GFOD1: variants seen among roughly 807,000 people sequenced by gnomAD.
GFOD1 encodes glucose-fructose oxidoreductase domain-containing protein 1.
In GFOD1, 9 loss-of-function variants were observed where a neutral mutation model predicts 25.4. That is an observed-to-expected ratio of 0.35 (90% CI 0.21 to 0.62). The LOEUF is 0.62. Ranked by LOEUF, GFOD1 falls within the 20% of genes least tolerant of loss-of-function variation. The probability of loss-of-function intolerance (pLI) is 0.72; values close to 1 mark genes in which losing one functional copy is unlikely to be tolerated. For synonymous variants in GFOD1, 253 were observed against 245.6 expected, an observed-to-expected ratio of 1.03 and a Z score of -0.28; for missense variants, 403 against 556.9, an observed-to-expected ratio of 0.72 and a Z score of 2.78.
At chr6:13,384,592 G>A (rs574835442) in intron 1 of GFOD1, among the ~76,000 whole-genome samples, 15 of 152,252 alleles carry the variant, frequency 9.9e-5, no homozygotes, top group African/African-American at 2.9e-4. Context: ...TTTAGTACTC[G>A]TTGATGATTT....
intron 1 of GFOD1, among the ~76,000 whole-genome samples, chr6:13,450,774 C>G (rs1758082805): frequency 6.6e-6 from 1 of 152,182 alleles, no homozygotes; most frequent in African/African-American, 2.4e-5. Flanking sequence ...ACTGTTTGCA[C>G]AAGCAGCTTC....
At position 13,409,151 on chromosome 6, in the gene GFOD1, G is replaced by GAAAGGA. The variant is rs751020501; in HGVS notation, c.254-43490_254-43489insTCCTTT. The stretch of plus-strand genomic sequence containing the variant: ...AAAGAAAGAAAGAAAGAAAGAAAGA[G>GAAAGGA]AGGAAAGAAAGAAAGGAAAGAGAGA... On this transcript the variant is annotated intron_variant, in intron 1 of 1. Coordinates refer to ENST00000379287, the MANE Select transcript of GFOD1 (RefSeq NM_018988.4). Among the ~76,000 whole-genome samples, 55 of 64,572 alleles carry GAAAGGA rather than the reference G, an allele frequency of 8.5e-4. 4 individuals are homozygous for GAAAGGA. The highest frequency in any genetic ancestry group is 3.7e-3 in the African/African-American group (50 of 13,436). 42.4% of individuals were successfully genotyped at this position (64,572 alleles called of 152,430 possible).
Position 13,467,648 on chromosome 6 carries a change from A to G in GFOD1, c.253+18990T>C, listed in dbSNP as rs185092202. On this transcript the variant is annotated intron_variant, in intron 1 of 1. Transcript: ENST00000379287. ...TGGCGCATTTTCTTTGGAAGGCTGA[A>G]TGAAGCCAACAAGAGCTTCACTTCC... is the stretch of plus-strand genomic sequence containing the variant. 2.3e-3 allele frequency among the ~76,000 whole-genome samples: 345 copies of G among 152,374 alleles called. 1 individual carries two copies. The highest frequency in any genetic ancestry group is 3.4e-3 in the Non-Finnish European group (234 of 68,040).
At chr6:13,480,281 A>C (rs1758718883) in intron 1 of GFOD1, among the ~76,000 whole-genome samples, 2 of 152,212 alleles carry the variant, frequency 1.3e-5, no homozygotes, top group African/African-American at 4.8e-5. Flanking sequence ...TCACCAAGAG[A>C]GTCTGCACTG....
intron 1 of GFOD1, among the ~76,000 whole-genome samples, chr6:13,470,782 C>T (rs527609117): frequency 6.6e-6 from 1 of 152,288 alleles, no homozygotes; most frequent in African/African-American, 2.4e-5. Flanking sequence ...TTGCCCTTGA[C>T]TACAGTCAAG....
chr6:13,410,388 C>T (rs779617834), intron 1 of GFOD1, among the ~76,000 whole-genome samples: 5 of 151,966 alleles, frequency 3.3e-5, no homozygotes, highest in African/African-American at 4.8e-5. Flanking sequence ...ACCAACATAA[C>T]GAAACCCCAT....
chr6:13,372,692 G>T (rs1465642969), intron 1 of GFOD1, among the ~76,000 whole-genome samples: 1 of 152,318 alleles, frequency 6.6e-6, no homozygotes, highest in African/African-American at 2.4e-5. Context: ...GGTACCTGAA[G>T]GATGGCTGAC....
intron 1 of GFOD1, among the ~76,000 whole-genome samples, chr6:13,389,702 T>C (rs1785545784): frequency 6.6e-6 from 1 of 152,128 alleles, no homozygotes; most frequent in African/African-American, 2.4e-5. Flanking sequence ...ACATGGCACA[T>C]GTATACCTAT....
chr6:13,472,417 C>T (rs1263616534), intron 1 of GFOD1, among the ~76,000 whole-genome samples: 1 of 152,210 alleles, frequency 6.6e-6, no homozygotes, highest in Non-Finnish European at 1.5e-5. Context: ...GACCGTAGTT[C>T]ACCATAATAA....
intron 1 of GFOD1, among the ~76,000 whole-genome samples, chr6:13,393,529 TC>T (rs1467819362): frequency 6.6e-6 from 1 of 151,994 alleles, no homozygotes; most frequent in Admixed American, 6.6e-5. Flanking sequence ...TGTAGAGCTC[TC>T]CATCACGGTA....
rs5874418 is a variant in GFOD1 at position 13,458,757 on chromosome 6, C to CAAAAAAAAAAAA, written c.253+27869_253+27880dup. Among the ~76,000 whole-genome samples, 12 of 57,238 alleles carry CAAAAAAAAAAAA rather than the reference C, an allele frequency of 2.1e-4. 3 individuals carry two copies. Among genetic ancestry groups the CAAAAAAAAAAAA allele is most frequent in the Non-Finnish European group, 4.4e-4 (11 of 25,260 alleles). The allele number at this position is 57,238 out of a possible 152,430, so 37.6% of individuals were successfully genotyped here. Reference sequence around the variant, plus strand: ...CAAAAAGACTCCATTTCCCCTTGAGCAAAAAAAAAAAAAAAAAAAAAAAAA... The same window carrying CAAAAAAAAAAAA: ...CAAAAAGACTCCATTTCCCCTTGAGCAAAAAAAAAAAAAAAAAAAAAAAAAAAAAAAAAAAAA... On this transcript the variant is annotated intron_variant, in intron 1 of 1. Transcript: ENST00000379287.
intron 1 of GFOD1, among the ~76,000 whole-genome samples, chr6:13,459,375 T>C (rs886534377): frequency 2.2e-5 from 3 of 138,700 alleles, no homozygotes; most frequent in Admixed American, 1.5e-4. Flanking sequence ...ATTAAAGACT[T>C]AAATATAAAA....
intron 1 of GFOD1, among the ~76,000 whole-genome samples, chr6:13,458,056 C>A (rs1201793793): frequency 6.6e-6 from 1 of 152,126 alleles, no homozygotes; most frequent in African/African-American, 2.4e-5. Context: ...AGTCCCTTTG[C>A]CCTGTTTTCC....
At chr6:13,389,918 C>T (rs1167614526) in intron 1 of GFOD1, among the ~76,000 whole-genome samples, 1 of 152,106 alleles carries the variant, frequency 6.6e-6, no homozygotes, top group Non-Finnish European at 1.5e-5. Flanking sequence ...ATTTACCTCA[C>T]CAAAAGGACC....
chr6:13,473,901 C>T lies in GFOD1; in HGVS notation c.253+12737G>A, dbSNP rs142479041. ...CCAAAGAGGGGAAGTGCACCCGGGACGAGTGGGGCCCCACTCATTTTATCT... is the reference window on the plus strand; with the variant it reads ...CCAAAGAGGGGAAGTGCACCCGGGATGAGTGGGGCCCCACTCATTTTATCT... On this transcript the variant is annotated intron_variant, in intron 1 of 1. Coordinates refer to ENST00000379287, the MANE Select transcript of GFOD1 (RefSeq NM_018988.4). Among the ~76,000 whole-genome samples the T allele has an allele frequency of 3.6e-4, 55 of 152,252 alleles. No homozygotes were observed. The East Asian group carries it at 8.5e-3, about 24-fold the overall frequency.
intron 1 of GFOD1, among the ~76,000 whole-genome samples, chr6:13,411,054 A>G (rs1786068604): frequency 6.6e-6 from 1 of 152,256 alleles, no homozygotes; most frequent in Non-Finnish European, 1.5e-5. Flanking sequence ...AACAGCCAGC[A>G]TGTATGCAGA....
intron 1 of GFOD1, among the ~76,000 whole-genome samples, chr6:13,422,162 G>A (rs771986389): frequency 1.3e-5 from 2 of 151,874 alleles, no homozygotes; most frequent in African/African-American, 2.4e-5. Context: ...TCTTCTAATC[G>A]TGCCCTTTTC....
In GFOD1 at chr6:13,358,165, C is replaced by G. The variant is rs547459007; in HGVS notation, c.*6578G>C. 21 of 152,198 alleles carry G rather than the reference C, an allele frequency of 1.4e-4. No homozygotes were observed. Among genetic ancestry groups the G allele is most frequent in the African/African-American group, 5.1e-4 (21 of 41,544 alleles). The allele number at this position is 152,198 out of a possible 1,614,324, so 9.4% of individuals were successfully genotyped here. ...ATAATAAAAAAGAAAACCAAAACCT[C>G]CTATAATTTATAAGCTATGTTTGAC... On this transcript the variant is annotated 3_prime_UTR_variant, in exon 2 of 2. Transcript: ENST00000379287.
At chr6:13,437,829 A>G (rs1372177694) in intron 1 of GFOD1, among the ~76,000 whole-genome samples, 1 of 152,228 alleles carries the variant, frequency 6.6e-6, no homozygotes, top group Non-Finnish European at 1.5e-5. Flanking sequence ...TGAGTTTGCA[A>G]GAGTAAAGAT....
Sources: gnomAD v4.1 joint callset for allele counts (sites outside exome capture counted in the v4.1 genomes callset) on GRCh38, gnomAD v4.1.1 for gene constraint, MANE v1.5 for transcripts, NCBI Gene and HGNC (gene_info 2026-07-23, HGNC 2026-07-21) for gene names.